Variants in DPY19L2 observed in about 807,000 individuals in gnomAD.
DPY19L2 encodes the protein probable C-mannosyltransferase DPY19L2.
Under a neutral mutation model 97.9 loss-of-function variants are expected in DPY19L2, and 34 were observed. The observed-to-expected ratio is 0.35, with a 90% CI of 0.26 to 0.46. The LOEUF (loss-of-function observed/expected upper bound fraction) is 0.46. Ranked by LOEUF, DPY19L2 falls within the 20% of genes least tolerant of loss-of-function variation. The pLI, the probability that DPY19L2 is intolerant of heterozygous loss-of-function variation, is 1.00. For synonymous variants in DPY19L2, 230 were observed against 307.9 expected (o/e 0.75, Z 2.65); for missense variants, 623 against 911.4 (o/e 0.68, Z 4.07).
intron 16 of DPY19L2, among the ~76,000 whole-genome samples, chr12:63,587,860 C>G (rs954135366): frequency 1.3e-5 from 2 of 152,080 alleles, no homozygotes; most frequent in Non-Finnish European, 2.9e-5. Flanking sequence ...CATGAGCCAC[C>G]GAACCCGGCC....
chr12:63,578,511 A>G (rs1028317059), intron 19 of DPY19L2, among the ~76,000 whole-genome samples: 2 of 152,140 alleles, frequency 1.3e-5, no homozygotes, highest in African/African-American at 4.8e-5. Context: ...TGGATACTCC[A>G]TTTACCCTGA....
chr12:63,597,677 A>G (rs1758256644), intron 14 of DPY19L2, 132 bp downstream of exon 14: 7 of 768,636 alleles, frequency 9.1e-6, no homozygotes, highest in Non-Finnish European at 1.5e-5. Context: ...AGGAATGTAG[A>G]TTAGCAAAAG....
At chr12:63,636,850 C>G (rs1168438110) in intron 6 of DPY19L2, among the ~76,000 whole-genome samples, 3 of 152,070 alleles carry the variant, frequency 2.0e-5, no homozygotes, top group African/African-American at 7.2e-5. Flanking sequence ...ACTTTAACAC[C>G]ACGCTGTCAA....
intron 2 of DPY19L2, among the ~76,000 whole-genome samples, chr12:63,664,934 T>C (rs947378655): frequency 3.9e-5 from 6 of 152,080 alleles, no homozygotes; most frequent in African/African-American, 7.2e-5. Flanking sequence ...ACTGTGTCAA[T>C]AGAACACAGG....
At chr12:63,597,960 C>T in intron 13 of DPY19L2, 50 bp from the exon 14 acceptor site, 4 of 1,373,608 alleles carry the variant, frequency 2.9e-6, no homozygotes, top group Non-Finnish European at 4.0e-6. Flanking sequence ...GTGATTATAG[C>T]CTATAGACAG....
chr12:63,640,669 A>G (rs897162506), intron 6 of DPY19L2, among the ~76,000 whole-genome samples: 2 of 152,130 alleles, frequency 1.3e-5, no homozygotes, highest in Non-Finnish European at 2.9e-5. Context: ...TTGACTCTGT[A>G]TATCCTTCTT....
chr12:63,591,651 T>G (rs1409367693), intron 16 of DPY19L2, among the ~76,000 whole-genome samples: 1 of 151,998 alleles, frequency 6.6e-6, no homozygotes, highest in African/African-American at 2.4e-5. Context: ...ATACAATAAA[T>G]AGTTTTAACA....
intron 11 of DPY19L2, among the ~76,000 whole-genome samples, chr12:63,609,776 T>G (rs1886646483): frequency 6.6e-6 from 1 of 152,168 alleles, no homozygotes; most frequent in Non-Finnish European, 1.5e-5. Flanking sequence ...AAGTTTGGGG[T>G]GAAAACAGTG....
chr12:63,630,022 A>C (rs1267851177), intron 6 of DPY19L2, among the ~76,000 whole-genome samples: 2 of 152,130 alleles, frequency 1.3e-5, no homozygotes, highest in African/African-American at 4.8e-5. Context: ...ATGCTGAGAG[A>C]TTTTGTCACC....
chr12:63,608,216 A>G (rs896729050), intron 12 of DPY19L2, among the ~76,000 whole-genome samples: 9 of 152,206 alleles, frequency 5.9e-5, no homozygotes, highest in Non-Finnish European at 1.3e-4. Context: ...AGAGAGACAG[A>G]TGATGGATAG....
intron 19 of DPY19L2, among the ~76,000 whole-genome samples, chr12:63,577,682 A>G (rs555415256): frequency 1.3e-5 from 2 of 152,248 alleles, no homozygotes; most frequent in East Asian, 3.9e-4. Flanking sequence ...AAGGTGCTCA[A>G]CATCACTGAT....
intron 3 of DPY19L2, among the ~76,000 whole-genome samples, 184 bp downstream of exon 3, chr12:63,663,574 T>C (rs1895960209): frequency 6.6e-6 from 1 of 152,086 alleles, no homozygotes; most frequent in South Asian, 2.1e-4. Flanking sequence ...TAGGAAAGGG[T>C]GAGAGATAAT....
intron 18 of DPY19L2, among the ~76,000 whole-genome samples, chr12:63,582,052 C>T (rs1437546775): frequency 1.3e-5 from 2 of 151,726 alleles, no homozygotes; most frequent in East Asian, 2.0e-4. Context: ...CTGCCCATCT[C>T]GGCCTCCCAA....
At chr12:63,619,207 A>G (rs1372820615) in intron 9 of DPY19L2, among the ~76,000 whole-genome samples, 1 of 152,122 alleles carries the variant, frequency 6.6e-6, no homozygotes, top group East Asian at 1.9e-4. Context: ...TTGGGAGGCC[A>G]AGATAGGAGA....
chr12:63,633,630 C>T (rs1252369), intron 6 of DPY19L2, among the ~76,000 whole-genome samples: 3 of 152,098 alleles, frequency 2.0e-5, no homozygotes, highest in Admixed American at 6.6e-5. Flanking sequence ...TGTAAACTAG[C>T]TCAACCATTG....
intron 21 of DPY19L2, among the ~76,000 whole-genome samples, chr12:63,563,856 G>A (rs954567334): frequency 6.6e-6 from 1 of 152,218 alleles, no homozygotes; most frequent in African/African-American, 2.4e-5. Flanking sequence ...GAAGATATCT[G>A]TCTTGAAGTT....
intron 11 of DPY19L2, among the ~76,000 whole-genome samples, chr12:63,609,816 G>C (rs1205682659): frequency 3.3e-5 from 5 of 152,154 alleles, no homozygotes; most frequent in Non-Finnish European, 7.4e-5. Flanking sequence ...TCTCGGACTT[G>C]CGTATTATTT....
chr12:63,640,842 A>T (rs1253091431), intron 6 of DPY19L2, among the ~76,000 whole-genome samples: 1 of 152,198 alleles, frequency 6.6e-6, no homozygotes, highest in Non-Finnish European at 1.5e-5. Flanking sequence ...CAAAAAAGAT[A>T]AGAAATACAA....
chr12:63,646,380 C>A (rs1315453477), intron 5 of DPY19L2, among the ~76,000 whole-genome samples: 1 of 151,994 alleles, frequency 6.6e-6, no homozygotes, highest in Non-Finnish European at 1.5e-5. Context: ...TTACATTGTA[C>A]ACAAAAAAGT....
Sources: allele counts gnomAD v4.1 joint callset (sites outside exome capture counted in the v4.1 genomes callset), GRCh38; gene constraint gnomAD v4.1.1; transcripts MANE v1.5; gene names NCBI Gene and HGNC (gene_info 2026-07-23, HGNC 2026-07-21).